Variants in SYNPR observed in about 807,000 individuals in gnomAD.
The protein encoded by SYNPR is synaptoporin.
A neutral mutation model predicts 32.9 loss-of-function variants in SYNPR; 23 were observed. The ratio of observed to expected loss-of-function variants is 0.70; its 90% CI spans 0.50 to 0.99. The LOEUF (loss-of-function observed/expected upper bound fraction) is 0.99, where lower values mean the gene tolerates loss of function less well. SYNPR is among the 50% of genes least tolerant of loss of function. The pLI is 0.00. For synonymous variants in SYNPR, 146 were observed against 135.9 expected (o/e 1.07, Z -0.52); for missense variants, 318 against 349.3 (o/e 0.91, Z 0.71).
At chr3:63,386,725 A>T (rs2088051440) in intron 2 of SYNPR, among the ~76,000 whole-genome samples, 1 of 152,044 alleles carries the variant, frequency 6.6e-6, no homozygotes, top group Non-Finnish European at 1.5e-5. Context: ...ATCAGCCTCC[A>T]GGGGAGGAGC....
upstream of SYNPR, among the ~76,000 whole-genome samples, chr3:63,227,404 G>A (rs978517202): frequency 6.6e-6 from 1 of 152,146 alleles, no homozygotes; most frequent in Non-Finnish European, 1.5e-5. Flanking sequence ...ATGAGTAAGG[G>A]GAAAATGTAG....
chr3:63,230,125 G>C (rs2086156164), intron 1 of SYNPR, among the ~76,000 whole-genome samples: 1 of 152,002 alleles, frequency 6.6e-6, no homozygotes, highest in South Asian at 2.1e-4. Context: ...TGTTTCAATG[G>C]GTGCTCAGGA....
chr3:63,295,037 A>C (rs2086780774), intron 2 of SYNPR, among the ~76,000 whole-genome samples: 1 of 152,174 alleles, frequency 6.6e-6, no homozygotes, highest in African/African-American at 2.4e-5. Flanking sequence ...TGACTTTTAG[A>C]CTATTAATAA....
the SYNPR span, among the ~76,000 whole-genome samples, chr3:63,211,145 T>C: frequency 1.3e-5 from 2 of 152,212 alleles, no homozygotes; most frequent in African/African-American, 2.4e-5. Context: ...CTTGGCTCAC[T>C]GCAACCTCCA....
chr3:63,437,143 C>A, intron 2 of SYNPR, among the ~76,000 whole-genome samples: 1 of 147,928 alleles, frequency 6.8e-6, no homozygotes, highest in East Asian at 2.2e-4. Flanking sequence ...TCCCAGAGTG[C>A]TGGGATTAGA....
At chr3:63,421,169 C>T (rs2107131289) in intron 2 of SYNPR, among the ~76,000 whole-genome samples, 1 of 152,268 alleles carries the variant, frequency 6.6e-6, no homozygotes, top group African/African-American at 2.4e-5. Context: ...AGGCATGAGC[C>T]ACTATGCCCA....
rs192721719 is a variant in SYNPR at position 63,382,057 on chromosome 3, A to G, written c.85-98775A>G. Among the ~76,000 whole-genome samples, 8 of 152,308 alleles carry G rather than the reference A, an allele frequency of 5.3e-5. No individual in the cohort carries two copies. The East Asian group carries it at 7.7e-4, about 15-fold the overall frequency. On this transcript the variant is annotated intron_variant, in intron 2 of 5. Coordinates refer to ENST00000478300, the MANE Select transcript of SYNPR (RefSeq NM_001130003.2). ...AACATTTCTTTTAAATACACTTACA[A>G]CTACATCAGACAATGTTATTATTTT...
At chr3:63,235,876 A>T (rs1394778783) in intron 1 of SYNPR, among the ~76,000 whole-genome samples, 1 of 152,090 alleles carries the variant, frequency 6.6e-6, no homozygotes, top group Non-Finnish European at 1.5e-5. Context: ...ATTTTGATGA[A>T]GTCCAATCTA....
At chr3:63,596,486 C>T (rs1699961407) in intron 4 of SYNPR, among the ~76,000 whole-genome samples, 1 of 151,908 alleles carries the variant, frequency 6.6e-6, no homozygotes, top group South Asian at 2.1e-4. Flanking sequence ...GCCAGCCTTT[C>T]CCCCAACACC....
chr3:63,276,976 G>T (rs1034273275), upstream of SYNPR, among the ~76,000 whole-genome samples: 10 of 151,632 alleles, frequency 6.6e-5, no homozygotes, highest in African/African-American at 2.4e-4. Context: ...TAAACAGATG[G>T]ACTATCTGTG....
At chr3:63,343,787 G>A (rs755915052) in intron 2 of SYNPR, among the ~76,000 whole-genome samples, 7 of 152,218 alleles carry the variant, frequency 4.6e-5, no homozygotes, top group East Asian at 1.9e-4. Context: ...AGGTTTGGGC[G>A]ATTATTCAAA....
At chr3:63,435,916 C>A (rs1700076031) in intron 2 of SYNPR, among the ~76,000 whole-genome samples, 1 of 151,932 alleles carries the variant, frequency 6.6e-6, no homozygotes, top group Non-Finnish European at 1.5e-5. Context: ...ATTTATATAC[C>A]AGGCCCGTAA....
intron 4 of SYNPR, among the ~76,000 whole-genome samples, chr3:63,557,629 A>G (rs967872999): frequency 1.3e-5 from 2 of 152,218 alleles, no homozygotes; most frequent in African/African-American, 4.8e-5. Context: ...AAAAACTCTA[A>G]TATGCTTATC....
chr3:63,396,827 G>A (rs190124561), intron 2 of SYNPR, among the ~76,000 whole-genome samples: 4 of 152,238 alleles, frequency 2.6e-5, no homozygotes, highest in African/African-American at 4.8e-5. Context: ...AACATTGGCC[G>A]AGCGCGGTGG....
chr3:63,394,315 T>A (rs1403300622), intron 2 of SYNPR, among the ~76,000 whole-genome samples: 4 of 152,202 alleles, frequency 2.6e-5, no homozygotes, highest in African/African-American at 7.2e-5. Flanking sequence ...TTTAAGATGA[T>A]ATCAGAGCCT....
At chr3:63,490,741 C>A (rs72885496) in intron 3 of SYNPR, among the ~76,000 whole-genome samples, 3,186 of 151,976 alleles carry the variant, frequency 0.021, 123 homozygotes, top group African/African-American at 0.073. Context: ...CCCCTTGGAC[C>A]CACTAGGTTT....
chr3:63,418,497 C>A (rs1396332688), intron 2 of SYNPR, among the ~76,000 whole-genome samples: 1 of 152,170 alleles, frequency 6.6e-6, no homozygotes, highest in South Asian at 2.1e-4. Flanking sequence ...CCCCTCTCTA[C>A]CAGTACTAAT....
chr3:63,613,152 A>AT (rs34217962), intron 5 of SYNPR, among the ~76,000 whole-genome samples: 42 of 145,942 alleles, frequency 2.9e-4, no homozygotes, highest in Middle Eastern at 3.5e-3. Flanking sequence ...TGCTCAGCTA[A>AT]TTTTTTTTTT....
intron 3 of SYNPR, among the ~76,000 whole-genome samples, chr3:63,503,165 T>G (rs9866272): frequency 0.39 from 58,810 of 151,984 alleles, 11,651 homozygotes; most frequent in Admixed American, 0.43. Flanking sequence ...TAATTGTATC[T>G]CATTCTTTTA....
Sources: allele counts gnomAD v4.1 joint callset (sites outside exome capture counted in the v4.1 genomes callset), GRCh38; gene constraint gnomAD v4.1.1; transcripts MANE v1.5; gene names NCBI Gene and HGNC (gene_info 2026-07-23, HGNC 2026-07-21).